MAP3K5: variants seen among roughly 807,000 people sequenced by gnomAD.
MAP3K5 encodes the protein ASK-1.
A neutral mutation model predicts 158.7 loss-of-function variants in MAP3K5; 56 were observed. That is an observed-to-expected ratio of 0.35 (90% CI 0.28 to 0.44). The LOEUF (loss-of-function observed/expected upper bound fraction) is 0.44, where lower values mean the gene tolerates loss of function less well. Among genes scored for constraint, MAP3K5 ranks in the 20% least tolerant of loss-of-function variants. MAP3K5 has a pLI of 1.00. For missense variants in MAP3K5, 1,294 were observed against 1,674.8 expected, an observed-to-expected ratio of 0.77 and a Z score of 3.97; for synonymous variants, 579 against 601.7, an observed-to-expected ratio of 0.96 and a Z score of 0.55.
chr6:136,779,346 G>A (rs1384805551), intron 1 of MAP3K5, among the ~76,000 whole-genome samples: 2 of 151,630 alleles, frequency 1.3e-5, no homozygotes, highest in African/African-American at 4.8e-5. Flanking sequence ...GGGAGGCTGA[G>A]GCAGGAGGAT....
At chr6:136,731,691 G>T (rs1044322238) in intron 1 of MAP3K5, among the ~76,000 whole-genome samples, 5 of 152,144 alleles carry the variant, frequency 3.3e-5, no homozygotes, top group Admixed American at 6.5e-5. Flanking sequence ...TTACCACAAG[G>T]ATTATAAAGA....
rs1441391053 is a variant in MAP3K5, at chr6:136,718,650, C to T, written c.588+1800G>A. ...ACTTCAATCAAATGCCAATAACACT[C>T]CTAGACAAAGGCTAGCTTAAAACAA... On this transcript the variant is annotated intron_variant, in intron 2 of 29. Coordinates refer to ENST00000359015, the MANE Select transcript of MAP3K5 (RefSeq NM_005923.4). Among the ~76,000 whole-genome samples the T allele has an allele frequency of 3.3e-5, 5 of 152,202 alleles. No individual in the cohort carries two copies. The South Asian group carries it at 8.3e-4, about 25-fold the overall frequency.
In MAP3K5 at chr6:136,792,182, G is replaced by A; in HGVS notation, c.-25C>T. On this transcript the variant is annotated 5_prime_UTR_variant, in exon 1 of 30. Transcript: ENST00000359015. The surrounding 1 kb of genome is among the most constrained non-coding windows in gnomAD (Gnocchi z 5.7). The stretch of plus-strand genomic sequence containing the variant: ...TCTCTCCGGGCCGGGCAGCAACGGC[G>A]GCGGCGTCCCCCGCCCAGCCGCACC... 1 of 1,530,154 alleles carries A rather than the reference G, an allele frequency of 6.5e-7. No individual in the cohort carries two copies. The highest frequency in any genetic ancestry group is 1.2e-5 in the South Asian group (1 of 83,442). The allele number at this position is 1,530,154 out of a possible 1,614,324, so 94.8% of individuals were successfully genotyped here. A position where few individuals can be genotyped will look rare whatever the true frequency, so the allele number is the denominator to read the frequency against.
chr6:136,658,315 T>C (rs1431086548), intron 9 of MAP3K5, among the ~76,000 whole-genome samples: 2 of 114,720 alleles, frequency 1.7e-5, no homozygotes, highest in East Asian at 3.8e-4. Context: ...CTTTCTTTCT[T>C]TTTTTTTTTT....
At position 136,696,150 on chromosome 6, in the gene MAP3K5, AG is replaced by A. The variant is rs1296263567; in HGVS notation, c.976-94del. 7 of 678,166 alleles carry A rather than the reference AG, an allele frequency of 1.0e-5. No individual in the cohort carries two copies. The African/African-American group carries it at 1.3e-4, about 12-fold the overall frequency. The allele number at this position is 678,166 out of a possible 1,614,324, so 42.0% of individuals were successfully genotyped here. A position where few individuals can be genotyped will look rare whatever the true frequency, so the allele number is the denominator to read the frequency against. Reference sequence around the variant, plus strand: ...TTTGACAACCAGATATCTGAATTCAAGAAACACATTAAAAAGACACTAGAAT... The same window carrying A: ...TTTGACAACCAGATATCTGAATTCAAAAACACATTAAAAAGACACTAGAAT... On this transcript the variant is annotated intron_variant, in intron 5 of 29. Transcript: ENST00000359015.
chr6:136,558,077 G>A (rs1231154839), intron 29 of MAP3K5, among the ~76,000 whole-genome samples: 2 of 152,126 alleles, frequency 1.3e-5, no homozygotes, highest in African/African-American at 4.8e-5. Flanking sequence ...ATAATGGTGG[G>A]TATAATAGTT....
At chr6:136,655,584 G>T (rs1219352920) in intron 10 of MAP3K5, among the ~76,000 whole-genome samples, 2 of 152,206 alleles carry the variant, frequency 1.3e-5, no homozygotes, top group African/African-American at 4.8e-5. Context: ...GCATCACTTT[G>T]ATGTGGAAAG....
At chr6:136,591,380 G>C (rs890470076) in intron 23 of MAP3K5, among the ~76,000 whole-genome samples, 1 of 152,242 alleles carries the variant, frequency 6.6e-6, no homozygotes, top group Non-Finnish European at 1.5e-5. Flanking sequence ...GCGGGTGCCC[G>C]CCTGGTACTG....
chr6:136,721,028 C>G (rs1365019678), intron 1 of MAP3K5, among the ~76,000 whole-genome samples: 7 of 152,108 alleles, frequency 4.6e-5, no homozygotes, highest in Non-Finnish European at 1.0e-4. Context: ...ATCCTCCTGC[C>G]TCGGCTTTCC....
intron 4 of MAP3K5, among the ~76,000 whole-genome samples, chr6:136,698,237 A>C (rs1226176566): frequency 6.6e-6 from 1 of 152,182 alleles, no homozygotes; most frequent in Non-Finnish European, 1.5e-5. Flanking sequence ...TGCTTTGTAT[A>C]TATTTTTAGT....
intron 11 of MAP3K5, among the ~76,000 whole-genome samples, chr6:136,644,712 G>C (rs1009147479): frequency 6.6e-6 from 1 of 152,196 alleles, no homozygotes; most frequent in African/African-American, 2.4e-5. Flanking sequence ...AAACTGATTA[G>C]TCTAAATTGG....
upstream of MAP3K5, chr6:136,792,514 G>A: frequency 5.5e-6 from 2 of 365,918 alleles, no homozygotes; most frequent in South Asian, 1.1e-4. This position sits in a 1 kb window ranked among gnomAD's most constrained non-coding sequence, Gnocchi z 5.7. Flanking sequence ...AGGGCGCCGC[G>A]CTCGGGGTGC....
intron 7 of MAP3K5, among the ~76,000 whole-genome samples, chr6:136,678,168 T>C (rs1221937142): frequency 1.3e-5 from 2 of 152,190 alleles, no homozygotes; most frequent in East Asian, 3.8e-4. Flanking sequence ...TTTTTGTTTT[T>C]AATAAAAGGG....
At chr6:136,715,383 TCA>T in intron 2 of MAP3K5, among the ~76,000 whole-genome samples, 1 of 152,184 alleles carries the variant, frequency 6.6e-6, no homozygotes, top group South Asian at 2.1e-4. Flanking sequence ...ATTAAATATT[TCA>T]AGTATATAAA....
rs764744651 is a variant in MAP3K5 at position 136,613,388 on chromosome 6, C to G, written c.2279-132G>C. 17 of 646,220 alleles carry G rather than the reference C, an allele frequency of 2.6e-5. No individual in the cohort carries two copies. The highest frequency in any genetic ancestry group is 3.8e-5 in the Non-Finnish European group (16 of 417,786). The allele number at this position is 646,220 out of a possible 1,614,324, so 40.0% of individuals were successfully genotyped here. Reference sequence around the variant, plus strand: ...GTGGCCCAGGAGCTATACTGGATATCGGGCTCAAACATGAATTTGCAAATA... The same window carrying G: ...GTGGCCCAGGAGCTATACTGGATATGGGGCTCAAACATGAATTTGCAAATA... On this transcript the variant is annotated intron_variant, in intron 16 of 29. Transcript: ENST00000359015. The surrounding 1 kb of genome is among the most constrained non-coding windows in gnomAD (Gnocchi z 4.0).
intron 11 of MAP3K5, 124 bp from the exon 12 acceptor site, chr6:136,642,693 T>C: frequency 2.9e-6 from 2 of 680,354 alleles, no homozygotes; most frequent in East Asian, 2.6e-5. Flanking sequence ...CTATTTTTCA[T>C]GAAAGAATTA....
chr6:136,686,643 A>G (rs1780161649), intron 7 of MAP3K5, among the ~76,000 whole-genome samples: 1 of 152,212 alleles, frequency 6.6e-6, no homozygotes, highest in Non-Finnish European at 1.5e-5. Flanking sequence ...ACAAACAGAG[A>G]GCCAAATCAT....
rs371437908 is a variant in MAP3K5 at position 136,659,191 on chromosome 6, G to A, written c.1526+28C>T. 38 of 1,572,064 alleles carry A rather than the reference G, an allele frequency of 2.4e-5. No homozygotes were observed. The African/African-American group carries it at 3.8e-4, about 16-fold the overall frequency. ...AACAATATGGAGCTGTTTATTAATT[G>A]TATCAACATATAATAGCTAATTATT... On this transcript the variant is annotated intron_variant, in intron 9 of 29. Coordinates refer to ENST00000359015, the MANE Select transcript of MAP3K5 (RefSeq NM_005923.4).
At chr6:136,766,624 A>C (rs1783979233) in intron 1 of MAP3K5, among the ~76,000 whole-genome samples, 1 of 152,244 alleles carries the variant, frequency 6.6e-6, no homozygotes, top group Non-Finnish European at 1.5e-5. Flanking sequence ...TACACAGCAA[A>C]GAGCATGTCA....
Sources: gnomAD v4.1 joint callset for allele counts (sites outside exome capture counted in the v4.1 genomes callset) on GRCh38, gnomAD v4.1.1 for gene constraint, Gnocchi (gnomAD v3.1) non-coding constraint, MANE v1.5 for transcripts, NCBI Gene and HGNC (gene_info 2026-07-23, HGNC 2026-07-21) for gene names.